The following FGGY variants were observed in gnomAD, a reference collection of about 807,000 sequenced individuals.
FGGY encodes FGGY carbohydrate kinase domain containing, also known as FGGY carbohydrate kinase domain-containing protein.
FGGY carries 72 observed loss-of-function variants against 71.3 expected under a neutral mutation model. The observed-to-expected ratio is 1.01, with a 90% CI of 0.84 to 1.23. FGGY has a LOEUF of 1.23. Among genes scored for constraint, FGGY ranks in the 50% most tolerant of loss-of-function variants. FGGY has a pLI of 0.00. For missense variants in FGGY, 668 were observed against 682.3 expected, an observed-to-expected ratio of 0.98 and a Z score of 0.23; for synonymous variants, 251 against 250.3, an observed-to-expected ratio of 1.00 and a Z score of -0.02.
chr1:59,515,890 C>G (rs1177174336), intron 7 of FGGY, among the ~76,000 whole-genome samples: 1 of 152,090 alleles, frequency 6.6e-6, no homozygotes, highest in African/African-American at 2.4e-5. Context: ...GTAACTTTCC[C>G]CCATATTTTT....
intron 5 of FGGY, among the ~76,000 whole-genome samples, chr1:59,397,346 G>A (rs1024874816): frequency 6.6e-6 from 1 of 152,164 alleles, no homozygotes; most frequent in Non-Finnish European, 1.5e-5. Flanking sequence ...TGGAATATTA[G>A]TCTGATTTAC....
At chr1:59,696,128 G>A (rs1013021390) in intron 14 of FGGY, among the ~76,000 whole-genome samples, 1 of 152,136 alleles carries the variant, frequency 6.6e-6, no homozygotes, top group African/African-American at 2.4e-5. Context: ...GTTCAAAATT[G>A]GATGAGTTGC....
At chr1:59,337,782 G>T (rs376125310) in intron 2 of FGGY, among the ~76,000 whole-genome samples, 1 of 152,056 alleles carries the variant, frequency 6.6e-6, no homozygotes, top group East Asian at 1.9e-4. Context: ...AGGATTTTCT[G>T]CATATGAGAT....
At chr1:59,357,940 G>C (rs1476321029) in intron 4 of FGGY, among the ~76,000 whole-genome samples, 1 of 152,174 alleles carries the variant, frequency 6.6e-6, no homozygotes, top group African/African-American at 2.4e-5. Context: ...TGTGAAGTTA[G>C]GCTTGCTTTA....
At chr1:59,648,712 T>G (rs968855371) in intron 11 of FGGY, among the ~76,000 whole-genome samples, 16 of 151,090 alleles carry the variant, frequency 1.1e-4, no homozygotes, top group South Asian at 2.1e-4. Flanking sequence ...CTGTTCAGTC[T>G]GATGGTAGTT....
chr1:59,456,753 T>A (rs1230650418), intron 5 of FGGY, among the ~76,000 whole-genome samples: 1 of 152,242 alleles, frequency 6.6e-6, no homozygotes, highest in Admixed American at 6.5e-5. Flanking sequence ...CAGCCAGGGC[T>A]GAGACTTTTG....
At chr1:59,335,281 A>G (rs1383854956) in intron 2 of FGGY, among the ~76,000 whole-genome samples, 1 of 152,144 alleles carries the variant, frequency 6.6e-6, no homozygotes, top group Admixed American at 6.5e-5. Context: ...CTTTTTAGAA[A>G]TTTTATATAA....
chr1:59,435,894 AC>A (rs1332814056), intron 5 of FGGY, among the ~76,000 whole-genome samples: 1 of 152,126 alleles, frequency 6.6e-6, no homozygotes, highest in Non-Finnish European at 1.5e-5. Flanking sequence ...TGAAGGAGAT[AC>A]ACGAGAAAGC....
intron 13 of FGGY, among the ~76,000 whole-genome samples, chr1:59,670,836 A>C (rs1445876360): frequency 6.6e-6 from 1 of 152,178 alleles, no homozygotes; most frequent in Non-Finnish European, 1.5e-5. Flanking sequence ...CTACATGAGG[A>C]GGAAGAACCT....
intron 14 of FGGY, among the ~76,000 whole-genome samples, chr1:59,702,711 G>A (rs373299676): frequency 7.9e-5 from 12 of 152,144 alleles, no homozygotes; most frequent in African/African-American, 9.7e-5. Flanking sequence ...CTTCAAACCC[G>A]TAAAGTGGAA....
chr1:59,726,327 G>T (rs2097947695), intron 14 of FGGY, among the ~76,000 whole-genome samples: 1 of 151,908 alleles, frequency 6.6e-6, no homozygotes, highest in Non-Finnish European at 1.5e-5. Context: ...GGATTGATTT[G>T]CTAATATTAT....
chr1:59,652,101 A>G (rs1046650861), intron 11 of FGGY, among the ~76,000 whole-genome samples: 24 of 152,054 alleles, frequency 1.6e-4, no homozygotes, highest in Non-Finnish European at 3.1e-4. Context: ...TCTGGCTTGT[A>G]GGGTTTCTGC....
chr1:59,607,808 CA>C lies in FGGY; in HGVS notation c.912del (p.Asp305ThrfsTer22), dbSNP rs1286513383. 6.2e-7 allele frequency: 1 copy of C among 1,613,298 alleles called. No individual in the cohort carries two copies. Among genetic ancestry groups the C allele is most frequent in the East Asian group, 2.2e-5 (1 of 44,858 alleles). ...TTTTCCATCTTTCTTTCCAGATCAG[CA>C]AAGACCCGATTTTTGTACCAGGCGT... The part of the protein sequence containing the change: ...GTSSCHMGIS[K>X]DPIFVPGVWG... On this transcript the variant is annotated frameshift_variant, in exon 9 of 16. Coordinates refer to ENST00000303721, the MANE Select transcript of FGGY (RefSeq NM_018291.5). LOFTEE classifies it high-confidence loss of function.
chr1:59,607,975 AC>A, intron 9 of FGGY, 65 bp downstream of exon 9: 1 of 1,362,324 alleles, frequency 7.3e-7, no homozygotes, highest in Non-Finnish European at 1.0e-6. Context: ...CCATTTTGTC[AC>A]ATGACCCATA....
intron 8 of FGGY, among the ~76,000 whole-genome samples, chr1:59,577,773 A>G (rs2096108720): frequency 6.6e-6 from 1 of 152,178 alleles, no homozygotes. Context: ...TTAGAATTTC[A>G]GTGTCCAGAA....
At chr1:59,645,099 G>A (rs1558654745) in intron 11 of FGGY, among the ~76,000 whole-genome samples, 1 of 152,182 alleles carries the variant, frequency 6.6e-6, no homozygotes, top group Non-Finnish European at 1.5e-5. Context: ...CCACTGCAAA[G>A]CAGTAAAGAG....
intron 9 of FGGY, among the ~76,000 whole-genome samples, chr1:59,623,298 A>G (rs982939431): frequency 2.0e-5 from 3 of 152,152 alleles, no homozygotes; most frequent in African/African-American, 7.2e-5. Context: ...TAAAAGTATA[A>G]ACTCTTATGA....
chr1:59,664,432 C>G (rs746477062), intron 12 of FGGY, among the ~76,000 whole-genome samples: 2 of 152,212 alleles, frequency 1.3e-5, no homozygotes, highest in Non-Finnish European at 2.9e-5. Flanking sequence ...CGAGGGAGTG[C>G]CTCTCATTCG....
chr1:59,533,340 G>C (rs561586994), intron 7 of FGGY, among the ~76,000 whole-genome samples: 3 of 152,236 alleles, frequency 2.0e-5, no homozygotes, highest in East Asian at 1.9e-4. Context: ...CACCTGGCTC[G>C]GAGGGTCCTA....
Sources: allele counts gnomAD v4.1 joint callset (sites outside exome capture counted in the v4.1 genomes callset), GRCh38; gene constraint gnomAD v4.1.1; transcripts MANE v1.5; gene names NCBI Gene and HGNC (gene_info 2026-07-23, HGNC 2026-07-21).